The following TFDP2 variants were observed in gnomAD, a reference collection of about 807,000 sequenced individuals.
TFDP2 encodes transcription factor Dp-2.
In TFDP2, 17 loss-of-function variants were observed where a neutral mutation model predicts 59.3. The observed-to-expected ratio is 0.29, with a 90% CI of 0.20 to 0.43. The LOEUF is 0.43. TFDP2 is among the 20% of genes least tolerant of loss of function. The probability of loss-of-function intolerance (pLI) is 1.00; values close to 1 mark genes in which losing one functional copy is unlikely to be tolerated. For synonymous variants in TFDP2, 180 were observed against 194.7 expected (o/e 0.92, Z 0.63); for missense variants, 391 against 528.8 (o/e 0.74, Z 2.56).
rs529145138 is a variant in TFDP2 at position 142,040,586 on chromosome 3, A to G, written c.83-35042T>C. Among the ~76,000 whole-genome samples the G allele has an allele frequency of 2.0e-5, 3 of 152,272 alleles. No homozygotes were observed. The South Asian group carries it at 6.2e-4, about 32-fold the overall frequency. ...GGGATTACAGGCAGGCATTGCCACCATGCCCGGCTAATTTTGTATTTTTAG... is the reference window on the plus strand; with the variant it reads ...GGGATTACAGGCAGGCATTGCCACCGTGCCCGGCTAATTTTGTATTTTTAG... On this transcript the variant is annotated intron_variant, in intron 3 of 12. Transcript: ENST00000489671.
chr3:142,141,380 G>A (rs55825152), intron 1 of TFDP2, among the ~76,000 whole-genome samples: 13,162 of 152,226 alleles, frequency 0.086, 716 homozygotes, highest in Middle Eastern at 0.14. Flanking sequence ...CTGCACCCAC[G>A]GTCCAACCAG....
At chr3:141,958,917 T>C (rs11569277) in intron 11 of TFDP2, among the ~76,000 whole-genome samples, 10,009 of 150,992 alleles carry the variant, frequency 0.066, 430 homozygotes, top group African/African-American at 0.11. Flanking sequence ...TATACTAAAT[T>C]TTCCATTAGA....
chr3:141,967,105 C>T (rs34773643), intron 9 of TFDP2, among the ~76,000 whole-genome samples: 22,825 of 150,716 alleles, frequency 0.15, 1,749 homozygotes, highest in East Asian at 0.18. Context: ...TTAGTAGAGA[C>T]GGGGTTTCAC....
chr3:142,129,688 C>G (rs1444826187), intron 1 of TFDP2, among the ~76,000 whole-genome samples: 1 of 150,914 alleles, frequency 6.6e-6, no homozygotes, highest in Non-Finnish European at 1.5e-5. Context: ...GTAGTTGGGA[C>G]TACAGGAAAT....
chr3:142,133,467 A>G lies in TFDP2; in HGVS notation c.-93+15716T>C, dbSNP rs563785522. On this transcript the variant is annotated intron_variant, in intron 1 of 12. Transcript: ENST00000489671. ...ACCTCCTGCCTCCCTCAGCCCTGCA[A>G]AGTGCTGGGATTATAGGCATGAGCC... Among the ~76,000 whole-genome samples, 89 of 149,902 alleles carry G rather than the reference A, an allele frequency of 5.9e-4. 3 individuals carry two copies. Among genetic ancestry groups the G allele is most frequent in the Non-Finnish European group, 9.0e-4 (61 of 68,006 alleles).
chr3:142,036,360 G>A (rs1293724645), intron 3 of TFDP2, among the ~76,000 whole-genome samples: 1 of 152,152 alleles, frequency 6.6e-6, no homozygotes, highest in African/African-American at 2.4e-5. Flanking sequence ...AAAACCCATA[G>A]AAAATGTCAC....
rs1935090889 is a variant in TFDP2, at chr3:141,945,040, T to C, written c.*7473A>G. 6.6e-6 allele frequency: 1 copy of C among 152,198 alleles called. No homozygotes were observed. The highest frequency in any genetic ancestry group is 1.5e-5 in the Non-Finnish European group (1 of 68,046). 9.4% of individuals were successfully genotyped at this position (152,198 alleles called of 1,614,324 possible). ...CAGAAAAAAGGAGAACTATATTTTCTGGAAATAAAACCCAATAGCACATAG... is the reference window on the plus strand; with the variant it reads ...CAGAAAAAAGGAGAACTATATTTTCCGGAAATAAAACCCAATAGCACATAG... On this transcript the variant is annotated 3_prime_UTR_variant, in exon 13 of 13. Coordinates refer to ENST00000489671, the MANE Select transcript of TFDP2 (RefSeq NM_001178139.2).
chr3:142,088,850 C>T (rs1413038820), intron 3 of TFDP2, among the ~76,000 whole-genome samples: 6 of 149,726 alleles, frequency 4.0e-5, no homozygotes, highest in African/African-American at 9.8e-5. Flanking sequence ...TTTTTTTTGA[C>T]GGAGTCTTGC....
chr3:142,123,367 C>T (rs1560168575), intron 1 of TFDP2, among the ~76,000 whole-genome samples: 1 of 152,162 alleles, frequency 6.6e-6, no homozygotes, highest in Non-Finnish European at 1.5e-5. Context: ...ATCTCCTGAC[C>T]TCGCGATCCA....
chr3:141,960,501 G>A (rs1264698086), intron 10 of TFDP2, among the ~76,000 whole-genome samples: 1 of 152,162 alleles, frequency 6.6e-6, no homozygotes, highest in East Asian at 1.9e-4. Context: ...CAGTCCTTCC[G>A]ACTCCTAGGC....
intron 3 of TFDP2, among the ~76,000 whole-genome samples, chr3:142,035,610 G>A (rs989923770): frequency 3.9e-5 from 6 of 152,180 alleles, no homozygotes; most frequent in East Asian, 1.9e-4. Context: ...ATATGGTTTC[G>A]CTGTGTCCCC....
intron 3 of TFDP2, among the ~76,000 whole-genome samples, chr3:142,046,787 T>C (rs763033550): frequency 1.3e-5 from 2 of 152,172 alleles, no homozygotes; most frequent in African/African-American, 2.4e-5. Context: ...TGCCAATCTC[T>C]ATTTGTAGCT....
At position 142,093,768 on chromosome 3, in the gene TFDP2, CAT is replaced by C. The variant is rs1576964774; in HGVS notation, c.16-643_16-642del. ...GGCCTTAAGTCCAACTGCTTGGATT[CAT>C]ATTCTGGACCATCAAGCCTACTAGG... On this transcript the variant is annotated intron_variant, in intron 2 of 12. Transcript: ENST00000489671. Among the ~76,000 whole-genome samples, 5 of 152,302 alleles carry C rather than the reference CAT, an allele frequency of 3.3e-5. No homozygotes were observed. The East Asian group carries it at 9.6e-4, about 29-fold the overall frequency.
At chr3:142,021,452 C>T (rs913104492) in intron 3 of TFDP2, among the ~76,000 whole-genome samples, 1 of 152,124 alleles carries the variant, frequency 6.6e-6, no homozygotes, top group African/African-American at 2.4e-5. Flanking sequence ...CCAAAGGATC[C>T]TTGAAATGAC....
chr3:142,023,477 C>T (rs1396690465), intron 3 of TFDP2, among the ~76,000 whole-genome samples: 2 of 152,068 alleles, frequency 1.3e-5, no homozygotes, highest in Admixed American at 6.5e-5. Context: ...AGGCGTGAAC[C>T]ACCACGCCTG....
intron 3 of TFDP2, among the ~76,000 whole-genome samples, chr3:142,027,441 G>T (rs949864785): frequency 3.3e-5 from 5 of 151,860 alleles, no homozygotes; most frequent in African/African-American, 1.2e-4. Flanking sequence ...CTTCACCAGG[G>T]CTTTCCTAAC....
Position 142,110,412 on chromosome 3 carries a change from G to C in TFDP2, c.-92-8571C>G, listed in dbSNP as rs547964367. On this transcript the variant is annotated intron_variant, in intron 1 of 12. Transcript: ENST00000489671. ...CCAGCTACTTGGGAGGCTGAGGCGG[G>C]AGAATCACTTGAACCTGGAAGGTGG... 7.2e-5 allele frequency among the ~76,000 whole-genome samples: 11 copies of C among 152,008 alleles called. No homozygotes were observed. The East Asian group carries it at 1.9e-3, about 27-fold the overall frequency.
chr3:142,148,057 A>C lies in TFDP2; in HGVS notation c.-93+1126T>G, dbSNP rs535312669. Among the ~76,000 whole-genome samples, 6 of 152,272 alleles carry C rather than the reference A, an allele frequency of 3.9e-5. No homozygotes were observed. The South Asian group carries it at 1.0e-3, about 26-fold the overall frequency. On this transcript the variant is annotated intron_variant, in intron 1 of 12. Transcript: ENST00000489671. ...ATATATTCACGAGCTGAAAAAAAAAACAGGTAAATTATTTATTAGGTGAAG... is the reference window on the plus strand; with the variant it reads ...ATATATTCACGAGCTGAAAAAAAAACCAGGTAAATTATTTATTAGGTGAAG...
intron 9 of TFDP2, among the ~76,000 whole-genome samples, chr3:141,966,244 C>CCTAAATTTTGGTATT (rs1938042277): frequency 6.6e-6 from 1 of 151,860 alleles, no homozygotes; most frequent in African/African-American, 2.4e-5. Context: ...ACGATCTCAG[C>CCTAAATTTTGGTATT]TCACTGCAAC....
Sources: allele counts gnomAD v4.1 joint callset (sites outside exome capture counted in the v4.1 genomes callset), GRCh38; gene constraint gnomAD v4.1.1; transcripts MANE v1.5; gene names NCBI Gene and HGNC (gene_info 2026-07-23, HGNC 2026-07-21).